Variants in CRISPLD2 observed in about 807,000 individuals in gnomAD.
CRISPLD2 encodes cysteine-rich secretory protein LCCL domain-containing 2.
In CRISPLD2, 47 loss-of-function variants were observed where a neutral mutation model predicts 71.1. The ratio of observed to expected loss-of-function variants is 0.66; its 90% CI spans 0.52 to 0.84. The LOEUF is 0.84. CRISPLD2 is among the 40% of genes least tolerant of loss of function. CRISPLD2 has a pLI of 0.00. For synonymous variants in CRISPLD2, 317 were observed against 250.1 expected (o/e 1.27, Z -2.52); for missense variants, 830 against 651.1 (o/e 1.27, Z -2.99).
At chr16:84,878,486 C>G (rs77770259) in intron 12 of CRISPLD2, among the ~76,000 whole-genome samples, 1 of 152,200 alleles carries the variant, frequency 6.6e-6, no homozygotes. Context: ...GTGTTGGAGA[C>G]TCAGCCGTGT....
At chr16:84,823,779 AC>A (rs747929458) in intron 1 of CRISPLD2, among the ~76,000 whole-genome samples, 25 of 152,212 alleles carry the variant, frequency 1.6e-4, no homozygotes, top group Non-Finnish European at 3.4e-4. Flanking sequence ...GGGAAAAAAA[AC>A]GTCCTGATGA....
chr16:84,850,441 A>C, intron 4 of CRISPLD2, 127 bp from the exon 5 acceptor site: 1 of 725,530 alleles, frequency 1.4e-6, no homozygotes, highest in East Asian at 2.5e-5. Flanking sequence ...TTAGGGACTA[A>C]TATCTGCTTC....
intron 1 of CRISPLD2, among the ~76,000 whole-genome samples, chr16:84,824,521 CCTT>C (rs1275011418): frequency 1.3e-5 from 2 of 152,210 alleles, no homozygotes; most frequent in Admixed American, 1.3e-4. Context: ...TTCTTCCGGT[CCTT>C]CTGCTTATGG....
intron 3 of CRISPLD2, among the ~76,000 whole-genome samples, chr16:84,847,779 G>A (rs929070411): frequency 5.3e-5 from 8 of 152,138 alleles, no homozygotes; most frequent in South Asian, 2.1e-4. Flanking sequence ...GCTGGGCGCC[G>A]ACGTAGTTTT....
chr16:84,868,425 C>T (rs1347479164), intron 7 of CRISPLD2, among the ~76,000 whole-genome samples: 1 of 152,182 alleles, frequency 6.6e-6, no homozygotes, highest in Non-Finnish European at 1.5e-5. Context: ...CTGGCTGGGT[C>T]TCCGGCCCCA....
chr16:84,860,612 C>T (rs139326508), intron 6 of CRISPLD2, among the ~76,000 whole-genome samples: 20 of 152,264 alleles, frequency 1.3e-4, no homozygotes, highest in African/African-American at 4.1e-4. Context: ...GGGGAGGAGA[C>T]GTTGCCACTA....
rs2071487803 is a variant in CRISPLD2, at chr16:84,873,246, G to C, written c.1112+124G>C. On this transcript the variant is annotated intron_variant, in intron 10 of 14. Transcript: ENST00000262424. ...TCACACCTGCACTTTGGGAGGCAGAGGCAGGTGGATCACCTGAGGTCAGGA... is the reference window on the plus strand; with the variant it reads ...TCACACCTGCACTTTGGGAGGCAGACGCAGGTGGATCACCTGAGGTCAGGA... The C allele has an allele frequency of 4.5e-6, 5 of 1,116,488 alleles. No homozygotes were observed. In the Admixed American group the frequency reaches 1.2e-4, roughly 28 times the overall value. The allele number at this position is 1,116,488 out of a possible 1,614,324, so 69.2% of individuals were successfully genotyped here.
chr16:84,895,848 C>G (rs529727236), intron 14 of CRISPLD2, among the ~76,000 whole-genome samples: 2 of 152,202 alleles, frequency 1.3e-5, no homozygotes, highest in South Asian at 2.1e-4. Context: ...GGCTCATGGA[C>G]TTTTTACAGT....
intron 6 of CRISPLD2, among the ~76,000 whole-genome samples, chr16:84,855,207 G>A (rs1917204525): frequency 6.6e-6 from 1 of 152,176 alleles, no homozygotes. Context: ...CCAGCACTTT[G>A]GGAGGCTGAG....
rs114337576 is a variant in CRISPLD2 at position 84,876,515 on chromosome 16, C to T, written c.1157-923C>T. Among the ~76,000 whole-genome samples the T allele has an allele frequency of 3.1e-3, 457 of 146,090 alleles. 1 individual carries two copies. The highest frequency in any genetic ancestry group is 0.011 in the African/African-American group (442 of 38,880). On this transcript the variant is annotated intron_variant, in intron 11 of 14. Transcript: ENST00000262424. ...AGACTCCGTCTCAAAAAAAAAAGGCCGGTGCAGTGGTTTCCACCTGTAATC... is the reference window on the plus strand; with the variant it reads ...AGACTCCGTCTCAAAAAAAAAAGGCTGGTGCAGTGGTTTCCACCTGTAATC...
At chr16:84,894,287 T>G (rs1351136893) in intron 14 of CRISPLD2, among the ~76,000 whole-genome samples, 1 of 152,248 alleles carries the variant, frequency 6.6e-6, no homozygotes, top group Non-Finnish European at 1.5e-5. Flanking sequence ...GCCGGACATC[T>G]GGGTGAATGT....
At chr16:84,854,703 A>G in intron 5 of CRISPLD2, 26 bp from the exon 6 acceptor site, 1 of 1,580,826 alleles carries the variant, frequency 6.3e-7, no homozygotes. Flanking sequence ...GTTCCCTCTG[A>G]CGGTTGTTTT....
At chr16:84,864,925 G>A (rs1401682629) in intron 6 of CRISPLD2, among the ~76,000 whole-genome samples, 2 of 152,194 alleles carry the variant, frequency 1.3e-5, no homozygotes, top group Non-Finnish European at 2.9e-5. Context: ...CCCCTTGTGG[G>A]ACAGGACCAG....
At chr16:84,848,065 T>C (rs891661107) in intron 3 of CRISPLD2, among the ~76,000 whole-genome samples, 1 of 152,218 alleles carries the variant, frequency 6.6e-6, no homozygotes, top group Non-Finnish European at 1.5e-5. Flanking sequence ...CCCCCTTTCT[T>C]AAGGAATTTT....
intron 1 of CRISPLD2, among the ~76,000 whole-genome samples, chr16:84,835,578 CCTGTGT>C (rs1304634511): frequency 6.6e-6 from 1 of 152,198 alleles, no homozygotes; most frequent in Non-Finnish European, 1.5e-5. Context: ...GCATGGCAGG[CCTGTGT>C]CTCCCAGGCT....
chr16:84,904,741 G>A, intron 14 of CRISPLD2, among the ~76,000 whole-genome samples: 1 of 152,086 alleles, frequency 6.6e-6, no homozygotes, highest in East Asian at 1.9e-4. Context: ...TGATGCAAGG[G>A]CAATTAGATA....
intron 14 of CRISPLD2, among the ~76,000 whole-genome samples, chr16:84,898,367 G>A (rs762671135): frequency 4.6e-5 from 7 of 152,050 alleles, no homozygotes; most frequent in Non-Finnish European, 8.8e-5. Flanking sequence ...GCCCCTGCCC[G>A]CTCCCCCACC....
chr16:84,842,555 G>A (rs1304290963), intron 2 of CRISPLD2, among the ~76,000 whole-genome samples: 2 of 151,438 alleles, frequency 1.3e-5, no homozygotes, highest in Non-Finnish European at 2.9e-5. Context: ...TGTATTTCTG[G>A]TAGAGGCGGG....
At chr16:84,877,579 G>C in intron 12 of CRISPLD2, 69 bp downstream of exon 12, 4 of 1,478,856 alleles carry the variant, frequency 2.7e-6, no homozygotes, top group Non-Finnish European at 3.8e-6. Context: ...GCTGGGTGAG[G>C]TGGCTCACAG....
Sources: gnomAD v4.1 joint callset for allele counts (sites outside exome capture counted in the v4.1 genomes callset) on GRCh38, gnomAD v4.1.1 for gene constraint, MANE v1.5 for transcripts, NCBI Gene and HGNC (gene_info 2026-07-23, HGNC 2026-07-21) for gene names.